Variants in PRKD1 observed in about 807,000 individuals in gnomAD.
PRKD1 encodes serine/threonine-protein kinase D1.
A neutral mutation model predicts 95.9 loss-of-function variants in PRKD1; 63 were observed. That is an observed-to-expected ratio of 0.66 (90% CI 0.54 to 0.81). PRKD1 has a LOEUF of 0.81. Ranked by LOEUF, PRKD1 falls within the 30% of genes least tolerant of loss-of-function variation. PRKD1 has a pLI of 0.00. For synonymous variants in PRKD1, 425 were observed against 423.1 expected (o/e 1.00, Z -0.05); for missense variants, 1,048 against 1,165.3 (o/e 0.90, Z 1.47).
chr14:29,595,481 A>G (rs1893266857), intron 16 of PRKD1, among the ~76,000 whole-genome samples: 1 of 152,168 alleles, frequency 6.6e-6, no homozygotes, highest in African/African-American at 2.4e-5. Flanking sequence ...AGCACATCTG[A>G]TGTTCTGTCC....
intron 4 of PRKD1, among the ~76,000 whole-genome samples, chr14:29,640,286 A>C (rs951715208): frequency 6.6e-6 from 1 of 152,344 alleles, no homozygotes; most frequent in East Asian, 1.9e-4. Context: ...TTCTAATTTT[A>C]AATGATTACT....
At chr14:29,899,925 A>G (rs147012269) in intron 1 of PRKD1, among the ~76,000 whole-genome samples, 3,050 of 152,234 alleles carry the variant, frequency 0.02, 74 homozygotes, top group African/African-American at 0.058. Flanking sequence ...TCTTGTGATA[A>G]TGAGTTCTCA....
At chr14:29,671,993 G>T (rs1455789782) in intron 2 of PRKD1, among the ~76,000 whole-genome samples, 1 of 152,174 alleles carries the variant, frequency 6.6e-6, no homozygotes, top group Non-Finnish European at 1.5e-5. Context: ...TCTACCCTAT[G>T]TATATATTTA....
At chr14:29,682,695 A>T (rs912196510) in intron 2 of PRKD1, among the ~76,000 whole-genome samples, 19 of 152,182 alleles carry the variant, frequency 1.2e-4, no homozygotes, top group African/African-American at 3.9e-4. Flanking sequence ...AATAGAAGAT[A>T]AAAAAATGTA....
At chr14:29,797,207 G>A (rs1889855054) in intron 1 of PRKD1, among the ~76,000 whole-genome samples, 1 of 152,202 alleles carries the variant, frequency 6.6e-6, no homozygotes, top group African/African-American at 2.4e-5. Context: ...AATAGCCTGA[G>A]GGACTACTTC....
At chr14:29,586,230 C>T (rs1367974029) in intron 16 of PRKD1, among the ~76,000 whole-genome samples, 1 of 152,190 alleles carries the variant, frequency 6.6e-6, no homozygotes, top group Non-Finnish European at 1.5e-5. Flanking sequence ...TATCTGTCCT[C>T]AGCTCCATCT....
intron 16 of PRKD1, chr14:29,594,080 A>G (rs1893218060): frequency 6.7e-6 from 3 of 450,694 alleles, no homozygotes; most frequent in Non-Finnish European, 1.3e-5. Context: ...AAAGCAAATC[A>G]CTTACCAGAG....
chr14:29,870,449 A>T (rs754154205), intron 1 of PRKD1, among the ~76,000 whole-genome samples: 9 of 152,336 alleles, frequency 5.9e-5, no homozygotes, highest in Non-Finnish European at 1.2e-4. Flanking sequence ...AATTTTCTGT[A>T]CACTTTTCAT....
intron 1 of PRKD1, among the ~76,000 whole-genome samples, chr14:29,866,051 CA>C: frequency 6.6e-6 from 1 of 152,010 alleles, no homozygotes; most frequent in Non-Finnish European, 1.5e-5. Flanking sequence ...TCAAAATGAA[CA>C]AAAAGTACTG....
chr14:29,697,408 T>C (rs537472272), intron 2 of PRKD1, among the ~76,000 whole-genome samples: 258 of 152,328 alleles, frequency 1.7e-3, no homozygotes, highest in Admixed American at 4.2e-3. Flanking sequence ...TGAATACATG[T>C]ACACAAGATT....
intron 2 of PRKD1, among the ~76,000 whole-genome samples, chr14:29,696,383 G>C (rs1263722431): frequency 2.6e-5 from 4 of 152,116 alleles, no homozygotes; most frequent in Non-Finnish European, 4.4e-5. Flanking sequence ...TTGTTTATAA[G>C]ATACGAAAAT....
intron 1 of PRKD1, among the ~76,000 whole-genome samples, chr14:29,862,523 C>T (rs1218873134): frequency 6.6e-6 from 1 of 152,122 alleles, no homozygotes; most frequent in Non-Finnish European, 1.5e-5. Context: ...TGCCAATTCT[C>T]CAAATAATCA....
At chr14:29,648,639 C>G (rs1881290653) in intron 4 of PRKD1, among the ~76,000 whole-genome samples, 1 of 152,106 alleles carries the variant, frequency 6.6e-6, no homozygotes, top group Admixed American at 6.6e-5. Context: ...CTCACAAAGT[C>G]TTTTATAAAA....
chr14:29,902,733 A>G (rs1041143126), intron 1 of PRKD1, among the ~76,000 whole-genome samples: 6 of 152,222 alleles, frequency 3.9e-5, no homozygotes, highest in African/African-American at 1.4e-4. Context: ...TGGCTTTCCA[A>G]TCATTTTTAT....
intron 4 of PRKD1, among the ~76,000 whole-genome samples, chr14:29,658,844 A>T (rs1882037714): frequency 6.6e-6 from 1 of 152,188 alleles, no homozygotes; most frequent in African/African-American, 2.4e-5. Flanking sequence ...TAAATTTTAT[A>T]GCTCCATTTT....
At chr14:29,586,041 AG>A (rs1892912930) in intron 16 of PRKD1, among the ~76,000 whole-genome samples, 1 of 152,214 alleles carries the variant, frequency 6.6e-6, no homozygotes. Context: ...GGGGCCTGAT[AG>A]TCTGTATTTT....
At chr14:29,670,942 C>T (rs1255259310) in intron 2 of PRKD1, among the ~76,000 whole-genome samples, 1 of 152,120 alleles carries the variant, frequency 6.6e-6, no homozygotes. Flanking sequence ...TAACATCTTT[C>T]AGATGGGTGC....
chr14:29,739,781 T>C (rs4981057), intron 1 of PRKD1, among the ~76,000 whole-genome samples: 22,399 of 152,180 alleles, frequency 0.15, 1,982 homozygotes, highest in South Asian at 0.22. Flanking sequence ...TACAGGTTTC[T>C]CTTTAAGGCA....
At chr14:29,658,169 C>A (rs1881998301) in intron 4 of PRKD1, among the ~76,000 whole-genome samples, 1 of 152,090 alleles carries the variant, frequency 6.6e-6, no homozygotes, top group African/African-American at 2.4e-5. Context: ...CAGTTAGTAG[C>A]CCTGAATCTC....
Sources: allele counts gnomAD v4.1 joint callset (sites outside exome capture counted in the v4.1 genomes callset), GRCh38; gene constraint gnomAD v4.1.1; transcripts MANE v1.5; gene names NCBI Gene and HGNC (gene_info 2026-07-23, HGNC 2026-07-21).